The following BMPR2 variants were observed in gnomAD, a reference collection of about 807,000 sequenced individuals.
BMPR2 encodes bone morphogenetic protein receptor type-2.
In BMPR2, 29 loss-of-function variants were observed where a neutral mutation model predicts 100.8. The ratio of observed to expected loss-of-function variants is 0.29; its 90% CI spans 0.21 to 0.39. The LOEUF is 0.39. Among genes scored for constraint, BMPR2 ranks in the 10% least tolerant of loss-of-function variants. The pLI is 1.00. For synonymous variants in BMPR2, 382 were observed against 442.3 expected (o/e 0.86, Z 1.71); for missense variants, 1,011 against 1,274.5 (o/e 0.79, Z 3.15).
intron 1 of BMPR2, among the ~76,000 whole-genome samples, chr2:202,391,923 A>G (rs1690558750): frequency 6.6e-6 from 1 of 151,108 alleles, no homozygotes; most frequent in East Asian, 2.0e-4. Context: ...CACCACGCCC[A>G]GCTAATTTTT....
chr2:202,385,662 CAA>C (rs34934213), intron 1 of BMPR2, among the ~76,000 whole-genome samples: 19 of 82,096 alleles, frequency 2.3e-4, no homozygotes, highest in Admixed American at 3.8e-4. Context: ...CCACGCCTGG[CAA>C]AAAAAAAAAA....
At chr2:202,548,084 TAAA>T (rs59534169) in intron 10 of BMPR2, among the ~76,000 whole-genome samples, 1 of 149,802 alleles carries the variant, frequency 6.7e-6, no homozygotes. Flanking sequence ...GATTCCATCT[TAAA>T]AAAAAAAAAT....
chr2:202,391,848 G>A (rs1256658717), intron 1 of BMPR2, among the ~76,000 whole-genome samples: 41 of 151,364 alleles, frequency 2.7e-4, no homozygotes, highest in Admixed American at 2.2e-3. Context: ...TGCAACCTCC[G>A]CCTCCCGGGT....
At chr2:202,405,636 C>T (rs566640516) in intron 1 of BMPR2, among the ~76,000 whole-genome samples, 1 of 129,970 alleles carries the variant, frequency 7.7e-6, no homozygotes, top group South Asian at 2.4e-4. Flanking sequence ...TGCAGTGAGC[C>T]AAGATCAAGC....
chr2:202,510,177 G>A (rs1001384743), intron 3 of BMPR2, among the ~76,000 whole-genome samples: 1 of 152,152 alleles, frequency 6.6e-6, no homozygotes, highest in Non-Finnish European at 1.5e-5. Context: ...CCAGCACTTT[G>A]GGAGGCCAAG....
At chr2:202,431,505 A>G (rs1349373799) in intron 1 of BMPR2, among the ~76,000 whole-genome samples, 1 of 150,740 alleles carries the variant, frequency 6.6e-6, no homozygotes, top group African/African-American at 2.5e-5. Flanking sequence ...TAAAACATTC[A>G]TTTATAGTCA....
intron 10 of BMPR2, among the ~76,000 whole-genome samples, chr2:202,552,111 C>T (rs1688490017): frequency 6.6e-6 from 1 of 152,092 alleles, no homozygotes; most frequent in African/African-American, 2.4e-5. Flanking sequence ...ACTTGGCCTC[C>T]CAAAGTGCTG....
intron 7 of BMPR2, among the ~76,000 whole-genome samples, chr2:202,522,653 G>A (rs1341853050): frequency 6.6e-6 from 1 of 151,998 alleles, no homozygotes; most frequent in Admixed American, 6.6e-5. Context: ...AACATAGTCA[G>A]ACCCCCATCT....
At chr2:202,401,374 A>T (rs1690766316) in intron 1 of BMPR2, among the ~76,000 whole-genome samples, 1 of 152,222 alleles carries the variant, frequency 6.6e-6, no homozygotes, top group South Asian at 2.1e-4. Flanking sequence ...CTGGTAGTGG[A>T]TACAGACAAT....
At chr2:202,498,797 A>G (rs1277152165) in intron 3 of BMPR2, among the ~76,000 whole-genome samples, 2 of 152,170 alleles carry the variant, frequency 1.3e-5, no homozygotes, top group African/African-American at 4.8e-5. Context: ...ACCTGAGGGC[A>G]GTACAAATTA....
At chr2:202,515,461 C>T (rs1205116285) in intron 5 of BMPR2, among the ~76,000 whole-genome samples, 1 of 151,574 alleles carries the variant, frequency 6.6e-6, no homozygotes, top group Non-Finnish European at 1.5e-5. Context: ...ATCCCAGCTA[C>T]TCAGGAGGCT....
chr2:202,453,964 A>T (rs1692037850), intron 1 of BMPR2, among the ~76,000 whole-genome samples: 1 of 152,202 alleles, frequency 6.6e-6, no homozygotes, highest in African/African-American at 2.4e-5. Flanking sequence ...ACAAAAATAA[A>T]AAAATTTTTT....
chr2:202,487,231 CT>C (rs1692799082), intron 3 of BMPR2, among the ~76,000 whole-genome samples: 1 of 151,226 alleles, frequency 6.6e-6, no homozygotes, highest in Non-Finnish European at 1.5e-5. Context: ...GTTTTTTTTT[CT>C]AACACTGAAA....
At chr2:202,467,409 A>G in intron 2 of BMPR2, 110 bp from the exon 3 acceptor site, 1 of 950,418 alleles carries the variant, frequency 1.1e-6, no homozygotes, top group Admixed American at 2.1e-5. Context: ...AAACTGTTTC[A>G]TAGCTTACAC....
chr2:202,405,333 G>A (rs542797018), intron 1 of BMPR2, among the ~76,000 whole-genome samples: 1 of 152,044 alleles, frequency 6.6e-6, no homozygotes, highest in African/African-American at 2.4e-5. Context: ...ATTGTTGGTA[G>A]GGTGACTATA....
At chr2:202,518,078 AG>A (rs34848745) in intron 5 of BMPR2, among the ~76,000 whole-genome samples, 16,085 of 133,922 alleles carry the variant, frequency 0.12, 1,037 homozygotes, top group Non-Finnish European at 0.13. Context: ...CACCCACCTC[AG>A]CCTCCCAAAG....
At chr2:202,487,877 T>G (rs1476629006) in intron 3 of BMPR2, among the ~76,000 whole-genome samples, 1 of 152,186 alleles carries the variant, frequency 6.6e-6, no homozygotes, top group African/African-American at 2.4e-5. Context: ...ACCCGGCCAA[T>G]TTTTGTAATT....
intron 1 of BMPR2, among the ~76,000 whole-genome samples, chr2:202,383,523 A>G (rs530217406): frequency 6.6e-6 from 1 of 152,266 alleles, no homozygotes; most frequent in South Asian, 2.1e-4. Context: ...TCTACTAAAA[A>G]TACAAAATTA....
intron 1 of BMPR2, among the ~76,000 whole-genome samples, chr2:202,460,147 A>G (rs1692198117): frequency 6.6e-6 from 1 of 152,220 alleles, no homozygotes; most frequent in Non-Finnish European, 1.5e-5. Context: ...AGGAACACTT[A>G]TACACTGTTG....
Sources: allele counts gnomAD v4.1 joint callset (sites outside exome capture counted in the v4.1 genomes callset), GRCh38; gene constraint gnomAD v4.1.1; transcripts MANE v1.5; gene names NCBI Gene and HGNC (gene_info 2026-07-23, HGNC 2026-07-21).